The following MYRIP variants were observed in gnomAD, a reference collection of about 807,000 sequenced individuals.
MYRIP encodes the protein rab effector MyRIP.
MYRIP carries 49 observed loss-of-function variants against 98.0 expected under a neutral mutation model. The observed-to-expected ratio is 0.50, with a 90% CI of 0.40 to 0.63. The LOEUF (loss-of-function observed/expected upper bound fraction) is 0.63, where lower values mean the gene tolerates loss of function less well. Among genes scored for constraint, MYRIP ranks in the 30% least tolerant of loss-of-function variants. The pLI, the probability that MYRIP is intolerant of heterozygous loss-of-function variation, is 0.00. For missense variants in MYRIP, 1,004 were observed against 1,058.2 expected (o/e 0.95, Z 0.71); for synonymous variants, 404 against 409.5 (o/e 0.99, Z 0.16).
At chr3:40,098,740 TTGTGTGTGTGTGTGTG>T (rs3063561) in intron 3 of MYRIP, among the ~76,000 whole-genome samples, 1 of 135,186 alleles carries the variant, frequency 7.4e-6, no homozygotes, top group Non-Finnish European at 1.6e-5. Context: ...GTCTCTCTCA[TTGTGTGTGTGTGTGTG>T]TGTGTGTGTG....
intron 11 of MYRIP, among the ~76,000 whole-genome samples, chr3:40,214,684 GA>G (rs1253333569): frequency 6.6e-6 from 1 of 152,136 alleles, no homozygotes; most frequent in African/African-American, 2.4e-5. Context: ...GGTTCCACCA[GA>G]CCTCAGCGGT....
chr3:40,217,299 A>T (rs1462148539), intron 11 of MYRIP, among the ~76,000 whole-genome samples: 2 of 152,314 alleles, frequency 1.3e-5, no homozygotes, highest in African/African-American at 4.8e-5. Flanking sequence ...TTACAAATTA[A>T]TTCATGAGTG....
At chr3:39,845,726 G>A (rs1166853234) in intron 1 of MYRIP, among the ~76,000 whole-genome samples, 1 of 151,910 alleles carries the variant, frequency 6.6e-6, no homozygotes. Flanking sequence ...GGGACTCCTG[G>A]ATGATAAGGG....
intron 2 of MYRIP, among the ~76,000 whole-genome samples, chr3:39,902,059 G>T (rs895049219): frequency 6.6e-6 from 1 of 152,156 alleles, no homozygotes; most frequent in Non-Finnish European, 1.5e-5. Context: ...ATATAAAAGA[G>T]AACAGAGTCA....
At chr3:40,085,956 A>C (rs1301068515) in intron 3 of MYRIP, among the ~76,000 whole-genome samples, 2 of 152,348 alleles carry the variant, frequency 1.3e-5, no homozygotes, top group Admixed American at 6.5e-5. Flanking sequence ...AAGTGGAAAA[A>C]TGTACACACA....
intron 2 of MYRIP, among the ~76,000 whole-genome samples, chr3:39,927,873 G>A (rs1944453354): frequency 1.3e-5 from 2 of 152,024 alleles, no homozygotes; most frequent in Non-Finnish European, 2.9e-5. Flanking sequence ...ATGCACGGTT[G>A]ATTCAACATA....
chr3:40,083,965 G>A (rs962450331), intron 3 of MYRIP, among the ~76,000 whole-genome samples: 13 of 151,416 alleles, frequency 8.6e-5, no homozygotes, highest in East Asian at 3.9e-4. Flanking sequence ...GTGAAACCCC[G>A]TCTCTACGAA....
In MYRIP at chr3:40,105,390, G is replaced by A. The variant is rs142976985; in HGVS notation, c.333-45658G>A. Among the ~76,000 whole-genome samples the A allele has an allele frequency of 4.7e-3, 715 of 152,274 alleles. 9 individuals carry two copies. The highest frequency in any genetic ancestry group is 0.01 in the Middle Eastern group (3 of 294). ...GACTGGGTAATTTATAAAGAGAAGA[G>A]GTTTAATTGGCTCATGGTTCTGCAG... On this transcript the variant is annotated intron_variant, in intron 3 of 16. Coordinates refer to ENST00000302541, the MANE Select transcript of MYRIP (RefSeq NM_015460.4).
chr3:40,228,379 T>C (rs1234896410), intron 11 of MYRIP, among the ~76,000 whole-genome samples: 1 of 152,186 alleles, frequency 6.6e-6, no homozygotes, highest in Non-Finnish European at 1.5e-5. Context: ...CAAAGATTCA[T>C]TTTTTTCTTA....
chr3:40,154,003 G>A (rs1384421029), intron 4 of MYRIP, among the ~76,000 whole-genome samples: 2 of 152,094 alleles, frequency 1.3e-5, no homozygotes, highest in Non-Finnish European at 2.9e-5. Context: ...AGCTGGGCAT[G>A]GTGGCACTCA....
intron 3 of MYRIP, among the ~76,000 whole-genome samples, chr3:40,088,259 G>A (rs1948669791): frequency 6.6e-6 from 1 of 152,104 alleles, no homozygotes; most frequent in South Asian, 2.1e-4. Context: ...TTTTTTCTCA[G>A]TTGTTCAGAT....
intron 2 of MYRIP, among the ~76,000 whole-genome samples, chr3:40,019,097 C>A (rs889247461): frequency 4.6e-5 from 7 of 152,186 alleles, no homozygotes; most frequent in African/African-American, 1.7e-4. Context: ...ACCTTCTAAT[C>A]CATTCTCTTG....
chr3:39,880,673 G>A (rs1398175230), intron 1 of MYRIP, among the ~76,000 whole-genome samples: 1 of 151,970 alleles, frequency 6.6e-6, no homozygotes, highest in South Asian at 2.1e-4. Context: ...ATTCTTTCTA[G>A]CTCCTTAGGT....
At position 40,076,042 on chromosome 3, in the gene MYRIP, A is replaced by G. The variant is rs545264795; in HGVS notation, c.332+31771A>G. 1.7e-4 allele frequency among the ~76,000 whole-genome samples: 26 copies of G among 152,216 alleles called. No individual in the cohort carries two copies. In the South Asian group the frequency reaches 5.2e-3, roughly 30 times the overall value. ...AAAACCTCATCTCTAAAAAAATAAA[A>G]TAAAATACAAAAATTAGCTAGGCAT... On this transcript the variant is annotated intron_variant, in intron 3 of 16. Coordinates refer to ENST00000302541, the MANE Select transcript of MYRIP (RefSeq NM_015460.4).
intron 1 of MYRIP, among the ~76,000 whole-genome samples, chr3:39,841,916 A>T: frequency 6.6e-6 from 1 of 152,320 alleles, no homozygotes; most frequent in African/African-American, 2.4e-5. Flanking sequence ...GGTGTCTCCC[A>T]GTCAGGAGGC....
At chr3:40,216,297 G>A (rs1431274026) in intron 11 of MYRIP, among the ~76,000 whole-genome samples, 4 of 152,170 alleles carry the variant, frequency 2.6e-5, no homozygotes, top group Non-Finnish European at 5.9e-5. Flanking sequence ...GGCAAGCAAG[G>A]CACTGGTTCA....
At chr3:40,245,191 T>C (rs766977636) in intron 13 of MYRIP, among the ~76,000 whole-genome samples, 2 of 152,236 alleles carry the variant, frequency 1.3e-5, no homozygotes, top group South Asian at 2.1e-4. Context: ...TCAGAACTGA[T>C]TGACATAGTC....
At chr3:39,898,406 A>C (rs1294215307) in intron 1 of MYRIP, among the ~76,000 whole-genome samples, 2 of 152,220 alleles carry the variant, frequency 1.3e-5, no homozygotes, top group African/African-American at 4.8e-5. Context: ...TCCTTTCTCT[A>C]TGTTTACTAC....
At chr3:40,169,013 A>G (rs190752851) in intron 7 of MYRIP, among the ~76,000 whole-genome samples, 3 of 152,340 alleles carry the variant, frequency 2.0e-5, no homozygotes, top group Admixed American at 1.3e-4. Flanking sequence ...AGTTCAAAGT[A>G]CATTTGATCC....
Sources: gnomAD v4.1 joint callset for allele counts (sites outside exome capture counted in the v4.1 genomes callset) on GRCh38, gnomAD v4.1.1 for gene constraint, MANE v1.5 for transcripts, NCBI Gene and HGNC (gene_info 2026-07-23, HGNC 2026-07-21) for gene names.